Variants in HTR2C observed in about 807,000 individuals in gnomAD.
HTR2C encodes 5-hydroxytryptamine (serotonin) receptor 2C, G protein-coupled.
Under a neutral mutation model 21.0 loss-of-function variants are expected in HTR2C, and 5 were observed. The ratio of observed to expected loss-of-function variants is 0.24; its 90% CI spans 0.12 to 0.50. The LOEUF (loss-of-function observed/expected upper bound fraction) is 0.50, where lower values mean the gene tolerates loss of function less well. Ranked by LOEUF, HTR2C falls within the 20% of genes least tolerant of loss-of-function variation. HTR2C has a pLI of 0.98. For synonymous variants in HTR2C, 150 were observed against 145.3 expected (o/e 1.03, Z -0.23); for missense variants, 271 against 371.2 (o/e 0.73, Z 2.22).
intron 4 of HTR2C, among the ~76,000 whole-genome samples, chrX:114,786,674 A>G (rs2070177491): frequency 9.0e-6 from 1 of 111,100 alleles, no homozygotes. Flanking sequence ...AGGTTGAGGT[A>G]TATGAAATTG....
intron 2 of HTR2C, among the ~76,000 whole-genome samples, chrX:114,645,334 T>C (rs1298809952): frequency 1.8e-5 from 2 of 110,661 alleles, no homozygotes; most frequent in East Asian, 2.9e-4. Context: ...GAAAACAGCA[T>C]GAAAAGATAG....
At chrX:114,841,726 G>C (rs1453559141) in intron 4 of HTR2C, among the ~76,000 whole-genome samples, 2 of 74,751 alleles carry the variant, frequency 2.7e-5, no homozygotes, top group African/African-American at 8.5e-5. Flanking sequence ...GGGTGACAGA[G>C]TGAGACTCCG....
At chrX:114,631,624 T>C (rs1556404316) in intron 2 of HTR2C, among the ~76,000 whole-genome samples, 2 of 111,779 alleles carry the variant, frequency 1.8e-5, no homozygotes, top group East Asian at 2.8e-4. Flanking sequence ...TATAATTATC[T>C]TATAGATGAT....
chrX:114,709,208 G>A (rs998088844), intron 2 of HTR2C, among the ~76,000 whole-genome samples: 1 of 111,681 alleles, frequency 9.0e-6, no homozygotes, highest in African/African-American at 3.3e-5. Context: ...ATTAAAAAGC[G>A]TCTTTCTTTT....
intron 2 of HTR2C, among the ~76,000 whole-genome samples, chrX:114,714,409 T>C (rs944215963): frequency 1.8e-5 from 2 of 111,941 alleles, no homozygotes; most frequent in Non-Finnish European, 3.8e-5. Flanking sequence ...AAAATTTTTA[T>C]GAGTCTGTGT....
intron 4 of HTR2C, among the ~76,000 whole-genome samples, chrX:114,732,685 C>T (rs1200698562): frequency 9.0e-6 from 1 of 111,179 alleles, no homozygotes; most frequent in African/African-American, 3.3e-5. Context: ...AGTATTTTAT[C>T]TGCTCAGTGG....
intron 4 of HTR2C, among the ~76,000 whole-genome samples, chrX:114,805,841 T>TACACCATATATATAC (rs1556448906): frequency 1.6e-4 from 2 of 12,714 alleles, no homozygotes; most frequent in African/African-American, 2.6e-4. Context: ...ATACCATATA[T>TACACCATATATATAC]ACCATATATA....
At chrX:114,748,035 G>C (rs1159609363) in intron 4 of HTR2C, among the ~76,000 whole-genome samples, 1 of 111,697 alleles carries the variant, frequency 9.0e-6, no homozygotes, top group African/African-American at 3.3e-5. Flanking sequence ...TGCATTCACA[G>C]ATAACTAAAA....
At chrX:114,846,351 C>A (rs1344632295) in intron 4 of HTR2C, among the ~76,000 whole-genome samples, 1 of 111,544 alleles carries the variant, frequency 9.0e-6, no homozygotes, top group Non-Finnish European at 1.9e-5. Context: ...ATATCAAAGC[C>A]AGCTAAAGAC....
intron 1 of HTR2C, among the ~76,000 whole-genome samples, chrX:114,585,631 G>C (rs1303632720): frequency 9.0e-6 from 1 of 111,419 alleles, no homozygotes; most frequent in South Asian, 3.8e-4. Flanking sequence ...CTGTTGGGTA[G>C]TATGCGACTT....
In HTR2C at chrX:114,805,039, G is replaced by C. The variant is rs1290584297; in HGVS notation, c.350-42964G>C. Among the ~76,000 whole-genome samples, 5 of 111,812 alleles carry C rather than the reference G, an allele frequency of 4.5e-5. No homozygotes were observed. In the East Asian group the frequency reaches 1.4e-3, roughly 32 times the overall value. On this transcript the variant is annotated intron_variant, in intron 4 of 5. Transcript: ENST00000276198. ...TGGGAACGAAATATAAAAGTTGAGA[G>C]TTAGGTATATAGCCAAATAGTTCAT...
At chrX:114,599,484 T>A (rs1182663860) in intron 1 of HTR2C, among the ~76,000 whole-genome samples, 3 of 111,942 alleles carry the variant, frequency 2.7e-5, no homozygotes, top group Admixed American at 9.5e-5. Flanking sequence ...GCTACAGAAT[T>A]CCAGCTTTAA....
intron 1 of HTR2C, among the ~76,000 whole-genome samples, chrX:114,594,732 T>C (rs1193472539): frequency 1.8e-5 from 2 of 109,616 alleles, no homozygotes; most frequent in Non-Finnish European, 3.8e-5. Flanking sequence ...AATGCAGATA[T>C]GTTTTTTTGA....
In HTR2C at chrX:114,640,084, T is replaced by C. The variant is rs192644561; in HGVS notation, c.-80+26203T>C. Among the ~76,000 whole-genome samples, 31 of 111,578 alleles carry C rather than the reference T, an allele frequency of 2.8e-4. No individual in the cohort carries two copies. In the Admixed American group the frequency reaches 3.0e-3, roughly 11 times the overall value. On this transcript the variant is annotated intron_variant, in intron 2 of 5. Transcript: ENST00000276198. The stretch of plus-strand genomic sequence containing the variant: ...ATCATCATTGAAATATAAATTTTCA[T>C]ACATTTTTTGTTCGACACATATTTA...
rs781848231 is a variant in HTR2C, at chrX:114,606,473, C to G, written c.-146-7342C>G. Among the ~76,000 whole-genome samples the G allele has an allele frequency of 7.2e-5, 8 of 111,595 alleles. No individual in the cohort carries two copies. The South Asian group carries it at 3.0e-3, about 43-fold the overall frequency. On this transcript the variant is annotated intron_variant, in intron 1 of 5. Coordinates refer to ENST00000276198, the MANE Select transcript of HTR2C (RefSeq NM_000868.4). Reference sequence around the variant, plus strand: ...ACCAAGGGAAGGCTGCCTTCCCAGTCCGTGACCGGCGCCGGAGTTTTGGGT... The same window carrying G: ...ACCAAGGGAAGGCTGCCTTCCCAGTGCGTGACCGGCGCCGGAGTTTTGGGT...
rs1206022085 is a variant in HTR2C, at chrX:114,652,888, T to C, written c.-80+39007T>C. 3.8e-5 allele frequency among the ~76,000 whole-genome samples: 4 copies of C among 104,123 alleles called. No homozygotes were observed. The Admixed American group carries it at 4.4e-4, about 11-fold the overall frequency. 90.4% of individuals were successfully genotyped at this position (104,123 alleles called of 115,157 possible). On this transcript the variant is annotated intron_variant, in intron 2 of 5. Coordinates refer to ENST00000276198, the MANE Select transcript of HTR2C (RefSeq NM_000868.4). ...AGATTATTTCTCATCTGGGAAACTT[T>C]TGGGGAGAAAAGAGGACTTGAGCTT... is the stretch of plus-strand genomic sequence containing the variant.
At chrX:114,844,957 A>T (rs2070862903) in intron 4 of HTR2C, among the ~76,000 whole-genome samples, 1 of 111,805 alleles carries the variant, frequency 8.9e-6, no homozygotes, top group Non-Finnish European at 1.9e-5. Context: ...TGGACAGAAC[A>T]ACAAGACAGA....
rs782586564 is a variant in HTR2C, at chrX:114,642,759, T to G, written c.-80+28878T>G. On this transcript the variant is annotated intron_variant, in intron 2 of 5. Transcript: ENST00000276198. ...TGAGTTTGTTTAGAAAAATGTGTGA[T>G]CTTGTAATTTAGGGCAGTGGATTGT... Among the ~76,000 whole-genome samples, 36 of 111,681 alleles carry G rather than the reference T, an allele frequency of 3.2e-4. 1 individual carries two copies. In the South Asian group the frequency reaches 0.013, roughly 41 times the overall value.
chrX:114,652,841 T>C (rs1930633886), intron 2 of HTR2C: 1 of 208,668 alleles, frequency 4.8e-6, no homozygotes, highest in African/African-American at 3.3e-5. Flanking sequence ...ATTAAAGAAT[T>C]GGAAAAGGTT....
Sources: allele counts gnomAD v4.1 joint callset (sites outside exome capture counted in the v4.1 genomes callset), GRCh38; gene constraint gnomAD v4.1.1; transcripts MANE v1.5; gene names NCBI Gene and HGNC (gene_info 2026-07-23, HGNC 2026-07-21).